The following ADAMTSL3 variants were observed in gnomAD, a reference collection of about 807,000 sequenced individuals.
ADAMTSL3 encodes ADAMTS-like protein 3.
In ADAMTSL3, 128 loss-of-function variants were observed where a neutral mutation model predicts 201.7. The ratio of observed to expected loss-of-function variants is 0.63; its 90% CI spans 0.55 to 0.73. ADAMTSL3 has a LOEUF of 0.73. Ranked by LOEUF, ADAMTSL3 falls within the 30% of genes least tolerant of loss-of-function variation. ADAMTSL3 has a pLI of 0.00. For synonymous variants in ADAMTSL3, 738 were observed against 748.4 expected (o/e 0.99, Z 0.23); for missense variants, 1,990 against 2,119.6 (o/e 0.94, Z 1.20).
At chr15:84,022,870 T>A (rs1437629932) in intron 26 of ADAMTSL3, among the ~76,000 whole-genome samples, 2 of 152,236 alleles carry the variant, frequency 1.3e-5, no homozygotes, top group African/African-American at 2.4e-5. Context: ...AGAGGCTTTG[T>A]GCATACTTCT....
At chr15:83,684,603 C>T (rs76543944) in intron 2 of ADAMTSL3, among the ~76,000 whole-genome samples, 1,603 of 152,144 alleles carry the variant, frequency 0.011, 14 homozygotes, top group Middle Eastern at 0.02. Flanking sequence ...AAAAAACCCA[C>T]TTTATATAAG....
chr15:83,902,233 A>G (rs968073143), intron 15 of ADAMTSL3, among the ~76,000 whole-genome samples: 3 of 152,154 alleles, frequency 2.0e-5, no homozygotes, highest in African/African-American at 7.2e-5. Context: ...TACACAACAC[A>G]GCCACCAGAG....
intron 17 of ADAMTSL3, among the ~76,000 whole-genome samples, chr15:83,929,016 T>C (rs189316318): frequency 6.6e-6 from 1 of 152,214 alleles, no homozygotes; most frequent in South Asian, 2.1e-4. Context: ...CTGAACTGTT[T>C]CACAAGTTTC....
At chr15:83,681,712 C>T (rs1214008615) in intron 2 of ADAMTSL3, among the ~76,000 whole-genome samples, 2 of 152,238 alleles carry the variant, frequency 1.3e-5, no homozygotes, top group South Asian at 2.1e-4. Context: ...TGGATGTGGT[C>T]GACTTGCTTT....
Position 83,913,298 on chromosome 15 carries a change from T to C in ADAMTSL3, c.1907T>C (p.Ile636Thr), listed in dbSNP as rs1351639057. ...DESPASRELD[I>T]PLPEDSETTY... The stretch of plus-strand genomic sequence containing the variant: ...AGCCCGGCCTCCCGAGAGCTAGACA[T>C]CCCTCTCCCTGAGGACAGTGAGACG... Residue 636 changes from isoleucine (I) to threonine (T), a missense_variant, in exon 16 of 30, where the codon ATC becomes ACC. By Grantham distance (89) the Ile-to-Thr change is moderately conservative. Transcript: ENST00000286744. 6.2e-7 allele frequency: 1 copy of C among 1,613,902 alleles called. No individual in the cohort carries two copies. Among genetic ancestry groups the C allele is most frequent in the Middle Eastern group, 1.6e-4 (1 of 6,062 alleles).
rs1567092987 is a variant in ADAMTSL3, at chr15:83,714,789, C to CTTTCTTTCTT, written c.189+10286_189+10287insTTCTTTTTCT. On this transcript the variant is annotated intron_variant, in intron 3 of 29. Transcript: ENST00000286744. Reference sequence around the variant, plus strand: ...TTTCTTTCTTTCTTTCTTTCTTTTTCTTTCTCTCTCTTTCTTTCTTCTTTC... The same window carrying CTTTCTTTCTT: ...TTTCTTTCTTTCTTTCTTTCTTTTTCTTTCTTTCTTTTTCTCTCTCTTTCTTTCTTCTTTC... Among the ~76,000 whole-genome samples the CTTTCTTTCTT allele has an allele frequency of 7.6e-4, 57 of 75,276 alleles. 4 individuals carry two copies. Among genetic ancestry groups the CTTTCTTTCTT allele is most frequent in the African/African-American group, 2.3e-3 (54 of 23,244 alleles). 49.4% of individuals were successfully genotyped at this position (75,276 alleles called of 152,430 possible).
intron 3 of ADAMTSL3, among the ~76,000 whole-genome samples, chr15:83,728,319 A>G (rs543846505): frequency 6.6e-4 from 99 of 149,720 alleles, no homozygotes; most frequent in African/African-American, 2.3e-3. Context: ...TAGCCACTCT[A>G]TGTCTTTTGA....
At chr15:83,803,882 C>T (rs1458855911) in intron 4 of ADAMTSL3, among the ~76,000 whole-genome samples, 1 of 152,174 alleles carries the variant, frequency 6.6e-6, no homozygotes, top group Non-Finnish European at 1.5e-5. Flanking sequence ...GTAGCTCACG[C>T]CTGTAATCCC....
At chr15:83,838,242 A>G (rs2064313886) in intron 7 of ADAMTSL3, 27 bp downstream of exon 7, 5 of 1,606,634 alleles carry the variant, frequency 3.1e-6, no homozygotes, top group Non-Finnish European at 3.4e-6. Context: ...ATACGTTATT[A>G]CCATCATACA....
At chr15:83,775,590 G>A (rs942266878) in intron 4 of ADAMTSL3, among the ~76,000 whole-genome samples, 9 of 152,058 alleles carry the variant, frequency 5.9e-5, no homozygotes, top group African/African-American at 7.2e-5. Flanking sequence ...TTTTCTACTC[G>A]TACTCAGAAG....
chr15:83,998,192 C>G (rs923078877), intron 23 of ADAMTSL3, among the ~76,000 whole-genome samples: 3 of 152,220 alleles, frequency 2.0e-5, no homozygotes, highest in Non-Finnish European at 2.9e-5. Flanking sequence ...AGGCTGACAC[C>G]TGTAATCCCA....
intron 2 of ADAMTSL3, among the ~76,000 whole-genome samples, chr15:83,685,672 C>T (rs2061526146): frequency 6.6e-6 from 1 of 152,236 alleles, no homozygotes; most frequent in East Asian, 1.9e-4. Flanking sequence ...ATGGGCTGTG[C>T]CACATTCTAA....
In ADAMTSL3 at chr15:83,851,110, A is replaced by G. The variant is rs1425312483; in HGVS notation, c.728-7656A>G. 3.3e-5 allele frequency among the ~76,000 whole-genome samples: 5 copies of G among 152,314 alleles called. No homozygotes were observed. In the East Asian group the frequency reaches 9.7e-4, roughly 29 times the overall value. On this transcript the variant is annotated intron_variant, in intron 7 of 29. Coordinates refer to ENST00000286744, the MANE Select transcript of ADAMTSL3 (RefSeq NM_207517.3). ...TGTGTTTTAACAAGTTTTCTAGATG[A>G]TTCATATTTAGGTAAAATGTTTGGG...
chr15:83,677,312 GTTC>G (rs1236877065), intron 2 of ADAMTSL3, among the ~76,000 whole-genome samples: 23 of 152,112 alleles, frequency 1.5e-4, no homozygotes, highest in African/African-American at 5.6e-4. Flanking sequence ...GCGTTGTTTA[GTTC>G]TTCTATAATC....
chr15:83,740,968 G>A (rs1206543670), intron 3 of ADAMTSL3, among the ~76,000 whole-genome samples: 1 of 152,114 alleles, frequency 6.6e-6, no homozygotes, highest in East Asian at 1.9e-4. Flanking sequence ...TCCTTAGAAA[G>A]ACACCAGGCC....
intron 3 of ADAMTSL3, among the ~76,000 whole-genome samples, chr15:83,731,293 G>T (rs1237527950): frequency 6.6e-6 from 1 of 151,956 alleles, no homozygotes; most frequent in Non-Finnish European, 1.5e-5. Flanking sequence ...TGGCCAACAG[G>T]TATATAAAAA....
intron 24 of ADAMTSL3, among the ~76,000 whole-genome samples, chr15:84,015,180 G>A (rs1596538307): frequency 6.6e-6 from 1 of 152,114 alleles, no homozygotes; most frequent in African/African-American, 2.4e-5. Context: ...TCTTGACCTC[G>A]TGATCTGCCC....
At chr15:83,805,830 G>A (rs181121316) in intron 5 of ADAMTSL3, among the ~76,000 whole-genome samples, 215 of 152,288 alleles carry the variant, frequency 1.4e-3, no homozygotes, top group Non-Finnish European at 2.4e-3. Flanking sequence ...GGAGGAGGGC[G>A]AAGTACTCTG....
At chr15:83,940,687 G>T (rs2066543119) in intron 17 of ADAMTSL3, among the ~76,000 whole-genome samples, 1 of 152,112 alleles carries the variant, frequency 6.6e-6, no homozygotes, top group Non-Finnish European at 1.5e-5. Context: ...TGATTAATTT[G>T]CTTCTTTTTT....
Sources: gnomAD v4.1 joint callset for allele counts (sites outside exome capture counted in the v4.1 genomes callset) on GRCh38, gnomAD v4.1.1 for gene constraint, MANE v1.5 for transcripts, NCBI Gene and HGNC (gene_info 2026-07-23, HGNC 2026-07-21) for gene names.